ZC3H12B: variants seen among roughly 807,000 people sequenced by gnomAD.
The protein encoded by ZC3H12B is zinc finger CCCH-type containing 12B.
Under a neutral mutation model 43.9 loss-of-function variants are expected in ZC3H12B, and 7 were observed. The observed-to-expected ratio is 0.16, with a 90% CI of 0.09 to 0.30. The LOEUF (loss-of-function observed/expected upper bound fraction) is 0.30. Among genes scored for constraint, ZC3H12B ranks in the 10% least tolerant of loss-of-function variants. The probability of loss-of-function intolerance (pLI) is 1.00; values close to 1 mark genes in which losing one functional copy is unlikely to be tolerated. For missense variants in ZC3H12B, 475 were observed against 670.2 expected, an observed-to-expected ratio of 0.71 and a Z score of 3.22; for synonymous variants, 222 against 241.7, an observed-to-expected ratio of 0.92 and a Z score of 0.76.
At chrX:65,322,534 T>G in the ZC3H12B span, among the ~76,000 whole-genome samples, 1 of 112,536 alleles carries the variant, frequency 8.9e-6, no homozygotes, top group Non-Finnish European at 1.9e-5. Flanking sequence ...ACATCTTTGT[T>G]GAAAATCAGT....
the ZC3H12B span, among the ~76,000 whole-genome samples, chrX:65,157,979 G>T: frequency 1.1e-5 from 1 of 91,436 alleles, no homozygotes; most frequent in Non-Finnish European, 2.1e-5. Flanking sequence ...GTGGCCATGT[G>T]TTCTCATTGT....
the ZC3H12B span, among the ~76,000 whole-genome samples, chrX:65,161,188 G>T: frequency 1.8e-5 from 2 of 110,913 alleles, no homozygotes; most frequent in Admixed American, 9.6e-5. Flanking sequence ...CAACTATGTG[G>T]TCAATTTTGG....
In ZC3H12B at chrX:65,441,284, C is replaced by T. The variant is rs1167592625; in HGVS notation, n.407+42580C>T. Among the ~76,000 whole-genome samples the T allele has an allele frequency of 3.6e-5, 4 of 112,108 alleles. No homozygotes were observed. In the East Asian group the frequency reaches 8.4e-4, roughly 23 times the overall value. On this transcript the variant is annotated intron_variant and non_coding_transcript_variant, in intron 3 of 5. Coordinates refer to the ZC3H12B transcript ENST00000617377. Reference sequence around the variant, plus strand: ...ATATAACTACTTTGATATGCTTCAGCGGCTTTACCAATTCCAACTATGTTA... The same window carrying T: ...ATATAACTACTTTGATATGCTTCAGTGGCTTTACCAATTCCAACTATGTTA...
At chrX:65,243,944 G>T in the ZC3H12B span, among the ~76,000 whole-genome samples, 36 of 111,780 alleles carry the variant, frequency 3.2e-4, no homozygotes, top group African/African-American at 1.2e-3. Flanking sequence ...GAGACAGAGA[G>T]CAGAATGATG....
the ZC3H12B span, among the ~76,000 whole-genome samples, chrX:65,256,853 T>A: frequency 8.9e-6 from 1 of 111,831 alleles, no homozygotes; most frequent in Non-Finnish European, 1.9e-5. Context: ...AAGAAAAAAA[T>A]GCTCATCATC....
intron 2 of ZC3H12B, among the ~76,000 whole-genome samples, chrX:65,384,142 G>C (rs751572468): frequency 2.0e-5 from 2 of 101,760 alleles, no homozygotes; most frequent in Non-Finnish European, 4.0e-5. Context: ...ATGATAGACT[G>C]GATTAAGAAA....
chrX:65,059,308 C>A, the ZC3H12B span, among the ~76,000 whole-genome samples: 1 of 106,088 alleles, frequency 9.4e-6, no homozygotes, highest in African/African-American at 3.4e-5. Flanking sequence ...AGACCAGTGT[C>A]CTGGAGATTT....
chrX:65,229,059 A>T, the ZC3H12B span, among the ~76,000 whole-genome samples: 1 of 110,804 alleles, frequency 9.0e-6, no homozygotes, highest in African/African-American at 3.3e-5. Flanking sequence ...GAACCAAAAA[A>T]GAGCCCACAT....
At chrX:65,225,226 G>A in the ZC3H12B span, among the ~76,000 whole-genome samples, 2 of 112,266 alleles carry the variant, frequency 1.8e-5, no homozygotes, top group Non-Finnish European at 3.8e-5. Flanking sequence ...ACGAAAATCT[G>A]CTGTTCTGCA....
At chrX:65,448,993 G>GAAAGAAAGAAAGAAAGAA (rs1569412222) in intron 3 of ZC3H12B, among the ~76,000 whole-genome samples, 48 of 30,787 alleles carry the variant, frequency 1.6e-3, no homozygotes, top group African/African-American at 3.3e-3. Flanking sequence ...AAGAAAGAAA[G>GAAAGAAAGAAAGAAAGAA]AGAGGAAAGA....
the ZC3H12B span, among the ~76,000 whole-genome samples, chrX:65,159,137 T>C: frequency 3.6e-5 from 4 of 112,105 alleles, no homozygotes; most frequent in African/African-American, 1.3e-4. Context: ...TCTATGTCTC[T>C]GTTTTGGTAC....
the ZC3H12B span, among the ~76,000 whole-genome samples, chrX:65,071,924 G>T: frequency 5.6e-4 from 63 of 111,584 alleles, no homozygotes; most frequent in African/African-American, 1.6e-3. Flanking sequence ...TCATGGTTAT[G>T]TGTCTTGATG....
rs140298996 is a variant in ZC3H12B, at chrX:65,402,107, G to T, written n.407+3403G>T. Among the ~76,000 whole-genome samples, 125 of 111,877 alleles carry T rather than the reference G, an allele frequency of 1.1e-3. 1 individual carries two copies. Among genetic ancestry groups the T allele is most frequent in the African/African-American group, 4.1e-3 (125 of 30,820 alleles). On this transcript the variant is annotated intron_variant and non_coding_transcript_variant, in intron 3 of 5. Coordinates refer to the ZC3H12B transcript ENST00000617377. ...CTGTTCTCTGAAGGGTAAGTTGCAG[G>T]CCAGGCAGCATTCACCAAAAGCTGA...
chrX:65,172,807 A>G, the ZC3H12B span, among the ~76,000 whole-genome samples: 2 of 112,160 alleles, frequency 1.8e-5, no homozygotes, highest in Non-Finnish European at 3.8e-5. Context: ...TACGAGTAGC[A>G]TGCTGTTTTT....
intron 3 of ZC3H12B, among the ~76,000 whole-genome samples, chrX:65,435,664 A>AGAT (rs2067211863): frequency 9.2e-6 from 1 of 109,265 alleles, no homozygotes; most frequent in African/African-American, 3.3e-5. Flanking sequence ...ATAGATAGAT[A>AGAT]GATAGATAGA....
chrX:65,456,329 C>T (rs1184593244), intron 3 of ZC3H12B, among the ~76,000 whole-genome samples: 3 of 108,751 alleles, frequency 2.8e-5, no homozygotes, highest in Non-Finnish European at 5.7e-5. Context: ...GGTTGCAATC[C>T]TAGTCTGATA....
At chrX:65,333,492 A>G in the ZC3H12B span, among the ~76,000 whole-genome samples, 1 of 112,132 alleles carries the variant, frequency 8.9e-6, no homozygotes, top group Non-Finnish European at 1.9e-5. Context: ...GCTCTCCAAA[A>G]AAAGTTTTCT....
the ZC3H12B span, among the ~76,000 whole-genome samples, chrX:65,128,360 G>A: frequency 4.5e-5 from 5 of 112,083 alleles, no homozygotes; most frequent in Non-Finnish European, 7.5e-5. Context: ...CAAAGTGTTT[G>A]TAGATTTTCC....
the ZC3H12B span, among the ~76,000 whole-genome samples, chrX:65,125,556 T>C: frequency 9.0e-6 from 1 of 111,704 alleles, no homozygotes; most frequent in East Asian, 2.8e-4. Context: ...ATGACTTGTC[T>C]AGTGCTGCCA....
Sources: gnomAD v4.1 joint callset for allele counts (sites outside exome capture counted in the v4.1 genomes callset) on GRCh38, gnomAD v4.1.1 for gene constraint, MANE v1.5 for transcripts, NCBI Gene and HGNC (gene_info 2026-07-23, HGNC 2026-07-21) for gene names.